Variants in MECOM observed in about 807,000 individuals in gnomAD.
The protein encoded by MECOM is histone-lysine N-methyltransferase MECOM.
MECOM carries 13 observed loss-of-function variants against 116.3 expected under a neutral mutation model. That is an observed-to-expected ratio of 0.11 (90% CI 0.07 to 0.18). MECOM has a LOEUF of 0.18. MECOM is among the 10% of genes least tolerant of loss of function. The pLI is 1.00. For missense variants in MECOM, 1,299 were observed against 1,509.0 expected, an observed-to-expected ratio of 0.86 and a Z score of 2.31; for synonymous variants, 528 against 535.2, an observed-to-expected ratio of 0.99 and a Z score of 0.19.
chr3:169,394,933 A>C (rs1363108652), intron 1 of MECOM, among the ~76,000 whole-genome samples: 1 of 152,228 alleles, frequency 6.6e-6, no homozygotes, highest in Non-Finnish European at 1.5e-5. Flanking sequence ...GGGTCAAATG[A>C]AAATGCTTGG....
intron 2 of MECOM, among the ~76,000 whole-genome samples, chr3:169,189,134 T>C (rs1312973630): frequency 6.6e-6 from 1 of 152,026 alleles, no homozygotes; most frequent in East Asian, 1.9e-4. Flanking sequence ...ATCCATAACT[T>C]TGAGAGAAAT....
intron 1 of MECOM, among the ~76,000 whole-genome samples, chr3:169,420,975 A>G (rs1739630177): frequency 6.6e-6 from 1 of 152,132 alleles, no homozygotes; most frequent in Admixed American, 6.6e-5. Flanking sequence ...AACATTCCAT[A>G]GAATATTATA....
intron 2 of MECOM, among the ~76,000 whole-genome samples, chr3:169,342,850 G>T (rs1488572611): frequency 6.6e-6 from 1 of 152,128 alleles, no homozygotes; most frequent in Non-Finnish European, 1.5e-5. Flanking sequence ...GTCACATCTA[G>T]GCCCTGGTAC....
chr3:169,149,961 GTGTGTGTGTGTGTGTGTC>G (rs1740920168), intron 2 of MECOM, among the ~76,000 whole-genome samples: 1 of 150,354 alleles, frequency 6.7e-6, no homozygotes, highest in African/African-American at 2.5e-5. Flanking sequence ...GTGTGTGTGT[GTGTGTGTGTGTGTGTGTC>G]TGTCTGTCTG....
intron 2 of MECOM, among the ~76,000 whole-genome samples, chr3:169,210,191 G>A (rs1750530933): frequency 6.6e-6 from 1 of 152,188 alleles, no homozygotes; most frequent in South Asian, 2.1e-4. Context: ...GGGAGTGGGG[G>A]TGAGGGGAGG....
At chr3:169,509,804 C>T (rs1755736021) in intron 1 of MECOM, among the ~76,000 whole-genome samples, 1 of 152,228 alleles carries the variant, frequency 6.6e-6, no homozygotes, top group South Asian at 2.1e-4. Flanking sequence ...CATTGTGAAT[C>T]GTGCTGCTAT....
At chr3:169,466,217 C>G (rs1417143382) in intron 1 of MECOM, among the ~76,000 whole-genome samples, 1 of 152,122 alleles carries the variant, frequency 6.6e-6, no homozygotes, top group Non-Finnish European at 1.5e-5. Flanking sequence ...ATGCATATGC[C>G]AAATGGACTT....
chr3:169,539,882 T>C (rs896461862), intron 1 of MECOM, among the ~76,000 whole-genome samples: 1 of 152,166 alleles, frequency 6.6e-6, no homozygotes, highest in African/African-American at 2.4e-5. Flanking sequence ...TATGCAACTA[T>C]AGCTACATTA....
chr3:169,175,566 T>G (rs1176716329), intron 2 of MECOM, among the ~76,000 whole-genome samples: 1 of 152,146 alleles, frequency 6.6e-6, no homozygotes, highest in African/African-American at 2.4e-5. Flanking sequence ...TCTGAAACAC[T>G]CTGGTCCAAA....
Position 169,417,658 on chromosome 3 carries a change from C to T in MECOM, c.38-36134G>A, listed in dbSNP as rs559015557. The stretch of plus-strand genomic sequence containing the variant: ...ATGCTGCTATAAAGACACATGCACA[C>T]GTATGTTTATTGCGGCACTATTCAC... On this transcript the variant is annotated intron_variant, in intron 1 of 16. Coordinates refer to ENST00000651503, the MANE Select transcript of MECOM (RefSeq NM_004991.4). 7.2e-3 allele frequency among the ~76,000 whole-genome samples: 1,093 copies of T among 151,464 alleles called. 9 individuals carry two copies. The highest frequency in any genetic ancestry group is 0.025 in the African/African-American group (1,030 of 41,262).
chr3:169,409,509 C>T (rs553801525), intron 1 of MECOM, among the ~76,000 whole-genome samples: 1 of 152,280 alleles, frequency 6.6e-6, no homozygotes, highest in Admixed American at 6.5e-5. Flanking sequence ...AGCCCCAAAC[C>T]ACAGGTGAGT....
intron 1 of MECOM, among the ~76,000 whole-genome samples, chr3:169,418,824 T>G (rs1739205311): frequency 1.3e-5 from 2 of 152,182 alleles, no homozygotes; most frequent in South Asian, 4.1e-4. Context: ...GCATTCCTTT[T>G]GAAAACCGGC....
At chr3:169,590,682 T>C (rs1429793618) in intron 1 of MECOM, among the ~76,000 whole-genome samples, 2 of 152,194 alleles carry the variant, frequency 1.3e-5, no homozygotes, top group Non-Finnish European at 2.9e-5. Context: ...TTTTTCCCCA[T>C]TACATAATGA....
intron 2 of MECOM, among the ~76,000 whole-genome samples, chr3:169,170,613 T>TGA (rs1744276968): frequency 6.6e-6 from 1 of 152,062 alleles, no homozygotes; most frequent in African/African-American, 2.4e-5. Flanking sequence ...GAACTATGTT[T>TGA]TTTTTCTCTA....
intron 1 of MECOM, among the ~76,000 whole-genome samples, chr3:169,487,403 A>C (rs1201873841): frequency 6.6e-6 from 1 of 152,108 alleles, no homozygotes; most frequent in African/African-American, 2.4e-5. Context: ...GGACAATCTG[A>C]ATTAATGTGA....
intron 2 of MECOM, among the ~76,000 whole-genome samples, chr3:169,281,969 T>C (rs1712146632): frequency 6.6e-6 from 1 of 152,174 alleles, no homozygotes; most frequent in African/African-American, 2.4e-5. Flanking sequence ...ACCTCCAAGC[T>C]TTCTATGAAT....
chr3:169,103,529 C>T (rs1032308739), intron 10 of MECOM, among the ~76,000 whole-genome samples: 13 of 152,128 alleles, frequency 8.5e-5, no homozygotes, highest in African/African-American at 3.1e-4. Context: ...ACATAAAAAT[C>T]TCAAAGAGCT....
chr3:169,445,502 T>A (rs1479670908), intron 1 of MECOM, among the ~76,000 whole-genome samples: 1 of 152,092 alleles, frequency 6.6e-6, no homozygotes, highest in African/African-American at 2.4e-5. Flanking sequence ...AGAAGACGTA[T>A]GGAAATGCCT....
intron 4 of MECOM, among the ~76,000 whole-genome samples, chr3:169,128,573 T>C (rs1157948237): frequency 6.6e-6 from 1 of 151,318 alleles, no homozygotes; most frequent in Non-Finnish European, 1.5e-5. Context: ...CCATATTATC[T>C]GGAAAGAACA....
Sources: allele counts gnomAD v4.1 joint callset (sites outside exome capture counted in the v4.1 genomes callset), GRCh38; gene constraint gnomAD v4.1.1; transcripts MANE v1.5; gene names NCBI Gene and HGNC (gene_info 2026-07-23, HGNC 2026-07-21).